Variants in GPD1L observed in about 807,000 individuals in gnomAD.
The protein encoded by GPD1L is glycerol-3-phosphate dehydrogenase 1-like protein.
GPD1L carries 17 observed loss-of-function variants against 32.9 expected under a neutral mutation model. That is an observed-to-expected ratio of 0.52 (90% CI 0.35 to 0.78). The LOEUF is 0.78. Ranked by LOEUF, GPD1L falls within the 30% of genes least tolerant of loss-of-function variation. The pLI is 0.01. For missense variants in GPD1L, 361 were observed against 447.8 expected, an observed-to-expected ratio of 0.81 and a Z score of 1.75; for synonymous variants, 187 against 165.9, an observed-to-expected ratio of 1.13 and a Z score of -0.98.
intron 4 of GPD1L, among the ~76,000 whole-genome samples, chr3:32,146,015 G>A (rs1445469299): frequency 2.0e-5 from 3 of 151,432 alleles, no homozygotes; most frequent in Admixed American, 6.6e-5. Context: ...ACCCTCAGAT[G>A]GCCTGGATTA....
chr3:32,117,201 T>C (rs1700344442), intron 1 of GPD1L, among the ~76,000 whole-genome samples: 1 of 152,252 alleles, frequency 6.6e-6, no homozygotes, highest in South Asian at 2.1e-4. Flanking sequence ...TAGGTATGCT[T>C]TTGTTTAATC....
chr3:32,161,245 G>A (rs1325473140), intron 7 of GPD1L, among the ~76,000 whole-genome samples: 4 of 152,124 alleles, frequency 2.6e-5, no homozygotes, highest in Non-Finnish European at 4.4e-5. Context: ...AGGGTGGATG[G>A]AGCATTTGTC....
intron 5 of GPD1L, chr3:32,158,549 TA>T (rs1701026082): frequency 2.2e-6 from 1 of 461,968 alleles, no homozygotes; most frequent in Non-Finnish European, 4.0e-6. Flanking sequence ...GCATTCCATT[TA>T]AAACAAAACA....
At chr3:32,127,793 G>T (rs529096136) in intron 1 of GPD1L, among the ~76,000 whole-genome samples, 2 of 152,096 alleles carry the variant, frequency 1.3e-5, no homozygotes, top group Non-Finnish European at 2.9e-5. Context: ...TTTCTCTTCT[G>T]CCTGTGACGT....
rs569896653 is a variant in GPD1L, at chr3:32,158,664, C to T, written c.619-212C>T. ...CAACTGCTGACCCCAAATATGGGCT[C>T]TTTGTCCTAGAAAGGGGAATATGGA... On this transcript the variant is annotated intron_variant, in intron 5 of 7. Transcript: ENST00000282541. 10 of 1,103,972 alleles carry T rather than the reference C, an allele frequency of 9.1e-6. No individual in the cohort carries two copies. In the East Asian group the frequency reaches 2.1e-4, roughly 23 times the overall value. The allele number at this position is 1,103,972 out of a possible 1,614,324, so 68.4% of individuals were successfully genotyped here. A position where few individuals can be genotyped will look rare whatever the true frequency, so the allele number is the denominator to read the frequency against.
chr3:32,139,448 T>C (rs1276661887), intron 3 of GPD1L, among the ~76,000 whole-genome samples: 1 of 152,240 alleles, frequency 6.6e-6, no homozygotes, highest in Non-Finnish European at 1.5e-5. Flanking sequence ...TACTTTATCA[T>C]AAATTTGTTT....
intron 1 of GPD1L, among the ~76,000 whole-genome samples, chr3:32,108,449 G>A (rs1700196253): frequency 6.6e-6 from 1 of 152,224 alleles, no homozygotes. Flanking sequence ...AGAGGTTGCA[G>A]TGAGCCAAAA....
At chr3:32,117,706 C>T (rs1248331020) in intron 1 of GPD1L, among the ~76,000 whole-genome samples, 1 of 152,166 alleles carries the variant, frequency 6.6e-6, no homozygotes, top group Non-Finnish European at 1.5e-5. Flanking sequence ...GTAGAATATG[C>T]TTGTTTGAAG....
At chr3:32,132,707 C>T (rs1700603093) in intron 2 of GPD1L, among the ~76,000 whole-genome samples, 1 of 152,082 alleles carries the variant, frequency 6.6e-6, no homozygotes, top group African/African-American at 2.4e-5. Flanking sequence ...AGGTGCGGTC[C>T]CTGAATGTGC....
At chr3:32,120,316 C>CAA (rs966706059) in intron 1 of GPD1L, among the ~76,000 whole-genome samples, 2 of 149,374 alleles carry the variant, frequency 1.3e-5, no homozygotes, top group African/African-American at 4.9e-5. Flanking sequence ...GACTCTGTCT[C>CAA]AAAAAAAACA....
At chr3:32,151,282 C>T (rs1700915562) in intron 5 of GPD1L, 2 of 603,886 alleles carry the variant, frequency 3.3e-6, no homozygotes, top group Non-Finnish European at 3.1e-6. Flanking sequence ...TAATATGCTC[C>T]ATACACCCAT....
chr3:32,116,745 C>T (rs1377137537), intron 1 of GPD1L, among the ~76,000 whole-genome samples: 5 of 152,216 alleles, frequency 3.3e-5, no homozygotes, highest in African/African-American at 7.2e-5. Context: ...CCTTGACTGA[C>T]ACAGCCAGCT....
rs780057864 is a variant in GPD1L at position 32,124,248 on chromosome 3, G to T, written c.48-3828G>T. ...GCTCAGCTAATTTTTTGTATTTTTA[G>T]TAGAGACAGGGTTTCACCATGTTGG... On this transcript the variant is annotated intron_variant, in intron 1 of 7. Transcript: ENST00000282541. Among the ~76,000 whole-genome samples, 73 of 152,116 alleles carry T rather than the reference G, an allele frequency of 4.8e-4. 1 individual carries two copies. The highest frequency in any genetic ancestry group is 8.8e-5 in the Non-Finnish European group (6 of 68,020).
intron 5 of GPD1L, among the ~76,000 whole-genome samples, 187 bp downstream of exon 5, chr3:32,146,921 C>T (rs1389622575): frequency 6.6e-6 from 1 of 152,160 alleles, no homozygotes; most frequent in East Asian, 1.9e-4. Flanking sequence ...CTCTCTTACT[C>T]GTGGCTTGCT....
At chr3:32,135,437 GTTGTTTTTTTGTTTGTT>G (rs1243754061) in intron 2 of GPD1L, among the ~76,000 whole-genome samples, 1 of 151,546 alleles carries the variant, frequency 6.6e-6, no homozygotes, top group Non-Finnish European at 1.5e-5. Context: ...CATCGAGAGG[GTTGTTTTTTTGTTTGTT>G]TTGTTTTGTT....
intron 1 of GPD1L, among the ~76,000 whole-genome samples, chr3:32,124,022 C>T (rs1036256000): frequency 1.3e-5 from 2 of 152,110 alleles, no homozygotes; most frequent in Admixed American, 1.3e-4. Flanking sequence ...TATCTATGTA[C>T]ATTTTTGGAC....
chr3:32,125,759 T>G (rs1015549635), intron 1 of GPD1L, among the ~76,000 whole-genome samples: 9 of 151,446 alleles, frequency 5.9e-5, no homozygotes, highest in African/African-American at 2.2e-4. Flanking sequence ...CACATTGCCT[T>G]TCCCCTGCTG....
At chr3:32,160,767 C>G (rs1434024256) in intron 7 of GPD1L, among the ~76,000 whole-genome samples, 1 of 152,146 alleles carries the variant, frequency 6.6e-6, no homozygotes, top group South Asian at 2.1e-4. Context: ...CCCTGTAGCA[C>G]CAGAAAAGCT....
intron 2 of GPD1L, among the ~76,000 whole-genome samples, chr3:32,129,274 G>T (rs1182198421): frequency 1.3e-5 from 2 of 152,168 alleles, no homozygotes; most frequent in African/African-American, 4.8e-5. Flanking sequence ...AGCATGCACT[G>T]TGCATGCAAA....
Sources: gnomAD v4.1 joint callset for allele counts (sites outside exome capture counted in the v4.1 genomes callset) on GRCh38, gnomAD v4.1.1 for gene constraint, MANE v1.5 for transcripts, NCBI Gene and HGNC (gene_info 2026-07-23, HGNC 2026-07-21) for gene names.